PCDHA11: variants seen among roughly 807,000 people sequenced by gnomAD.
The protein encoded by PCDHA11 is protocadherin alpha 11.
Under a neutral mutation model 70.3 loss-of-function variants are expected in PCDHA11, and 61 were observed. The observed-to-expected ratio is 0.87, with a 90% CI of 0.71 to 1.07. The LOEUF (loss-of-function observed/expected upper bound fraction) is 1.07. Among genes scored for constraint, PCDHA11 ranks in the 50% least tolerant of loss-of-function variants. The pLI, the probability that PCDHA11 is intolerant of heterozygous loss-of-function variation, is 0.00. For missense variants in PCDHA11, 1,324 were observed against 1,237.5 expected, an observed-to-expected ratio of 1.07 and a Z score of -1.05; for synonymous variants, 633 against 555.1, an observed-to-expected ratio of 1.14 and a Z score of -1.97.
At chr5:140,915,840 G>A (rs1554197129) in intron 1 of PCDHA11, among the ~76,000 whole-genome samples, 1 of 152,142 alleles carries the variant, frequency 6.6e-6, no homozygotes, top group Admixed American at 6.5e-5. Context: ...AGATCAGCAG[G>A]GGGTGACACC....
At chr5:140,933,527 A>G (rs1324786303) in intron 1 of PCDHA11, among the ~76,000 whole-genome samples, 1 of 152,060 alleles carries the variant, frequency 6.6e-6, no homozygotes, top group African/African-American at 2.4e-5. Flanking sequence ...TTTTGTTTAA[A>G]CTCAAAATAA....
chr5:140,914,755 T>G (rs1175753765), intron 1 of PCDHA11, among the ~76,000 whole-genome samples: 1 of 152,270 alleles, frequency 6.6e-6, no homozygotes, highest in East Asian at 1.9e-4. Flanking sequence ...CCATTTGAGG[T>G]TACATGAGGT....
chr5:140,871,468 G>A lies in PCDHA11; in HGVS notation c.2365G>A (p.Glu789Lys), dbSNP rs781821721. 4 of 1,602,054 alleles carry A rather than the reference G, an allele frequency of 2.5e-6. No individual in the cohort carries two copies. In the Admixed American group the frequency reaches 5.2e-5, roughly 21 times the overall value. The change falls in exon 1 of 4, where the codon GAG becomes AAG. Residue 789 changes from glutamate (E) to lysine (K), a missense_variant. By Grantham distance (56) the Glu-to-Lys change is moderately conservative. Transcript: ENST00000398640. ...LNKEEEGERQEPGSNHPGQPR... is the reference protein window; with the variant it reads ...LNKEEEGERQKPGSNHPGQPR... Reference sequence around the variant, plus strand: ...TAAAGAGGAGGAAGGGGAAAGACAGGAGCCAGGGTCAAATCACCCCGGACA... The same window carrying A: ...TAAAGAGGAGGAAGGGGAAAGACAGAAGCCAGGGTCAAATCACCCCGGACA...
At chr5:140,939,897 T>G (rs1563176465) in intron 1 of PCDHA11, among the ~76,000 whole-genome samples, 1 of 152,230 alleles carries the variant, frequency 6.6e-6, no homozygotes. Flanking sequence ...TCAAATATTC[T>G]GCATTCTTTT....
intron 1 of PCDHA11, chr5:140,968,831 C>T (rs1469537973): frequency 1.2e-6 from 2 of 1,614,020 alleles, no homozygotes; most frequent in Non-Finnish European, 8.5e-7. Flanking sequence ...CAAAATCCTC[C>T]CTGACACTCA....
intron 3 of PCDHA11, among the ~76,000 whole-genome samples, chr5:140,988,142 A>G (rs1017336547): frequency 5.3e-5 from 8 of 152,056 alleles, no homozygotes; most frequent in African/African-American, 1.4e-4. Context: ...AACCTGTTCA[A>G]CCTCAACTTC....
chr5:140,941,211 CTTCCTTTCTTT>C (rs782043135), intron 1 of PCDHA11, among the ~76,000 whole-genome samples: 8,933 of 129,680 alleles, frequency 0.069, 349 homozygotes, highest in Non-Finnish European at 0.093. Flanking sequence ...TCCTTTCTTT[CTTCCTTTCTTT>C]CTTTCTTTCT....
At chr5:140,875,884 C>T (rs531777396) in intron 1 of PCDHA11, 2 of 1,614,168 alleles carry the variant, frequency 1.2e-6, no homozygotes, top group South Asian at 2.2e-5. Flanking sequence ...AGAAAGGGAA[C>T]AAAAGGTACC....
At position 141,010,025 on chromosome 5, in the gene PCDHA11, A is replaced by T; in HGVS notation, c.*88A>T. On this transcript the variant is annotated 3_prime_UTR_variant, in exon 4 of 4. Coordinates refer to ENST00000398640, the MANE Select transcript of PCDHA11 (RefSeq NM_018902.5). ...TAGCAATTCCCTGCTCCTTTTTCCT[A>T]TCTACATGAGCCCTCTTAGAGACCT... The T allele has an allele frequency of 6.4e-7, 1 of 1,573,940 alleles. No homozygotes were observed. The highest frequency in any genetic ancestry group is 1.2e-5 in the South Asian group (1 of 82,592).
At chr5:141,002,203 G>T (rs2153973237) in intron 3 of PCDHA11, among the ~76,000 whole-genome samples, 1 of 152,296 alleles carries the variant, frequency 6.6e-6, no homozygotes, top group East Asian at 1.9e-4. Flanking sequence ...ATAGTCCCCG[G>T]CTTTAATCAA....
rs782364094 is a variant in PCDHA11 at position 140,870,521 on chromosome 5, T to A, written c.1418T>A (p.Ile473Asn). ...GAGAACAACCCACCAGGCTGCCACA[T>A]CTTCACAGTGTCGGCGCGGGACGCG... ...VKENNPPGCHIFTVSARDADA... is the reference protein window; with the variant it reads ...VKENNPPGCHNFTVSARDADA... The change falls in exon 1 of 4, where the codon ATC becomes AAC. Residue 473 changes from isoleucine to asparagine, a missense_variant. Physicochemically the swap from Ile to Asn is moderately radical, Grantham distance 149. Coordinates refer to ENST00000398640, the MANE Select transcript of PCDHA11 (RefSeq NM_018902.5). The A allele has an allele frequency of 1.2e-6, 2 of 1,614,078 alleles. No homozygotes were observed. The highest frequency in any genetic ancestry group is 8.5e-7 in the Non-Finnish European group (1 of 1,180,042).
Position 140,892,397 on chromosome 5 carries a change from T to C in PCDHA11, c.2391+20903T>C, listed in dbSNP as rs554853881. On this transcript the variant is annotated intron_variant, in intron 1 of 3. Coordinates refer to ENST00000398640, the MANE Select transcript of PCDHA11 (RefSeq NM_018902.5). ...GCAATCATGGGTAATCTTAATCTAT[T>C]TCAAGCTTCAGGTATTCTAGATAAA... is the stretch of plus-strand genomic sequence containing the variant. Among the ~76,000 whole-genome samples the C allele has an allele frequency of 2.0e-5, 3 of 152,326 alleles. No homozygotes were observed. The South Asian group carries it at 6.2e-4, about 32-fold the overall frequency.
intron 1 of PCDHA11, chr5:140,883,434 T>G (rs2059607581): frequency 1.2e-6 from 2 of 1,614,038 alleles, no homozygotes; most frequent in Admixed American, 3.3e-5. Flanking sequence ...ACCTGCACCT[T>G]GACGCCGCAT....
intron 1 of PCDHA11, chr5:140,967,750 C>A (rs782284231): frequency 1.4e-5 from 22 of 1,614,072 alleles, no homozygotes; most frequent in Non-Finnish European, 1.7e-6. Flanking sequence ...ATGAGGAAGC[C>A]TCCTCCTACC....
At chr5:140,910,924 A>T (rs568597600) in intron 1 of PCDHA11, among the ~76,000 whole-genome samples, 1 of 152,142 alleles carries the variant, frequency 6.6e-6, no homozygotes, top group Admixed American at 6.5e-5. Flanking sequence ...GCTTATATAA[A>T]TAAGAAAGCT....
chr5:140,927,516 C>G (rs782661477), intron 1 of PCDHA11: 22 of 1,614,066 alleles, frequency 1.4e-5, no homozygotes, highest in Non-Finnish European at 1.8e-5. Flanking sequence ...CTCGGGACGG[C>G]GGGCTACCTG....
At chr5:140,956,098 GA>G (rs2095256801) in intron 1 of PCDHA11, among the ~76,000 whole-genome samples, 1 of 152,160 alleles carries the variant, frequency 6.6e-6, no homozygotes, top group African/African-American at 2.4e-5. Context: ...TGCAAACAAA[GA>G]TAATTTGATT....
intron 1 of PCDHA11, among the ~76,000 whole-genome samples, chr5:140,900,339 G>A (rs1019458960): frequency 7.2e-5 from 11 of 151,812 alleles, no homozygotes; most frequent in East Asian, 2.0e-4. Context: ...GTACCGTGGC[G>A]CAATCTTGGC....
chr5:140,966,934 G>C (rs782780798), intron 1 of PCDHA11: 3 of 1,604,080 alleles, frequency 1.9e-6, no homozygotes, highest in Non-Finnish European at 2.5e-6. Flanking sequence ...CACCCGGCGC[G>C]CTCGTGGGCA....
Sources: allele counts gnomAD v4.1 joint callset (sites outside exome capture counted in the v4.1 genomes callset), GRCh38; gene constraint gnomAD v4.1.1; transcripts MANE v1.5; gene names NCBI Gene and HGNC (gene_info 2026-07-23, HGNC 2026-07-21).